Variants in KIRREL3 observed in about 807,000 individuals in gnomAD.
KIRREL3 encodes kirre like nephrin family adhesion molecule 3.
KIRREL3 carries 36 observed loss-of-function variants against 89.7 expected under a neutral mutation model. That is an observed-to-expected ratio of 0.40 (90% CI 0.31 to 0.53). The LOEUF (loss-of-function observed/expected upper bound fraction) is 0.53. Among genes scored for constraint, KIRREL3 ranks in the 20% least tolerant of loss-of-function variants. The probability of loss-of-function intolerance (pLI) is 0.49; values close to 1 mark genes in which losing one functional copy is unlikely to be tolerated. For missense variants in KIRREL3, 864 were observed against 1,056.6 expected (o/e 0.82, Z 2.53); for synonymous variants, 445 against 441.4 (o/e 1.01, Z -0.10).
rs1018039083 is a variant in KIRREL3 at position 126,890,786 on chromosome 11, G to T, written c.55+109669C>A. On this transcript the variant is annotated intron_variant, in intron 1 of 16. Coordinates refer to ENST00000525144, the MANE Select transcript of KIRREL3 (RefSeq NM_032531.4). This position sits in a 1 kb window ranked among gnomAD's most constrained non-coding sequence, Gnocchi z 5.1. Reference sequence around the variant, plus strand: ...CGTCCCCCAGTCCCAGCACCACAGCGGCCTGCCTGTGCCCAGCGCTGCCCC... The same window carrying T: ...CGTCCCCCAGTCCCAGCACCACAGCTGCCTGCCTGTGCCCAGCGCTGCCCC... Among the ~76,000 whole-genome samples, 2 of 152,182 alleles carry T rather than the reference G, an allele frequency of 1.3e-5. No individual in the cohort carries two copies. Among genetic ancestry groups the T allele is most frequent in the African/African-American group, 2.4e-5 (1 of 41,440 alleles).
intron 1 of KIRREL3, among the ~76,000 whole-genome samples, chr11:126,871,500 A>G (rs927546514): frequency 2.0e-5 from 3 of 152,126 alleles, no homozygotes; most frequent in African/African-American, 7.2e-5. Flanking sequence ...AGGAAGAAAA[A>G]CTTTTATCCA....
intron 1 of KIRREL3, among the ~76,000 whole-genome samples, chr11:126,861,719 GT>G (rs924036159): frequency 1.3e-5 from 2 of 152,182 alleles, no homozygotes. Flanking sequence ...GTATATTCAC[GT>G]TTTATCTGGC....
At position 126,954,438 on chromosome 11, in the gene KIRREL3, A is replaced by G. The variant is rs2135158070; in HGVS notation, c.55+46017T>C. 6.6e-6 allele frequency among the ~76,000 whole-genome samples: 1 copy of G among 152,270 alleles called. No individual in the cohort carries two copies. Among genetic ancestry groups the G allele is most frequent in the South Asian group, 2.1e-4 (1 of 4,814 alleles). ...ATAACATGAAGGATCTGTAAATTAC[A>G]AATCATCTGGGCCCTCAGAAATGCT... is the stretch of plus-strand genomic sequence containing the variant. On this transcript the variant is annotated intron_variant, in intron 1 of 16. Coordinates refer to ENST00000525144, the MANE Select transcript of KIRREL3 (RefSeq NM_032531.4). This position sits in a 1 kb window ranked among gnomAD's most constrained non-coding sequence, Gnocchi z 4.1.
rs763206444 is a variant in KIRREL3 at position 126,594,472 on chromosome 11, A to C, written c.56-31560T>G. Among the ~76,000 whole-genome samples, 1 of 152,136 alleles carries C rather than the reference A, an allele frequency of 6.6e-6. No individual in the cohort carries two copies. The highest frequency in any genetic ancestry group is 2.4e-5 in the African/African-American group (1 of 41,424). On this transcript the variant is annotated intron_variant, in intron 1 of 16. Coordinates refer to ENST00000525144, the MANE Select transcript of KIRREL3 (RefSeq NM_032531.4). This position sits in a 1 kb window ranked among gnomAD's most constrained non-coding sequence, Gnocchi z 5.0. ...AGTTTGGAATCGCTGGAAACTGTCA[A>C]ATCTCAGCTCCTTCCACTTTTTTCG... is the stretch of plus-strand genomic sequence containing the variant.
At position 126,773,745 on chromosome 11, in the gene KIRREL3, A is replaced by ATATATATTT. The variant is rs1950088874; in HGVS notation, c.56-210834_56-210833insAAATATATA. ...TTGGAGGCTGGGGCCCACATATATT[A>ATATATATTT]TTTATCTCTATTATTGCAGCCCCAA... On this transcript the variant is annotated intron_variant, in intron 1 of 16. Coordinates refer to ENST00000525144, the MANE Select transcript of KIRREL3 (RefSeq NM_032531.4). The surrounding 1 kb of genome is among the most constrained non-coding windows in gnomAD (Gnocchi z 4.2). 6.6e-6 allele frequency among the ~76,000 whole-genome samples: 1 copy of ATATATATTT among 152,134 alleles called. No individual in the cohort carries two copies. Among genetic ancestry groups the ATATATATTT allele is most frequent in the Non-Finnish European group, 1.5e-5 (1 of 68,016 alleles).
chr11:126,646,440 A>G (rs376576610), intron 1 of KIRREL3, among the ~76,000 whole-genome samples: 1 of 142,352 alleles, frequency 7.0e-6, no homozygotes. Context: ...AAATCCATTT[A>G]TTTTTCTGCA....
rs1377201669 is a variant in KIRREL3, at chr11:126,788,257, T to C, written c.55+212198A>G. ...TCCTATGGACGTTGCCTCCCAGGGC[T>C]GCTCTCCAAGCCCCAATTCTTTTGC... is the stretch of plus-strand genomic sequence containing the variant. On this transcript the variant is annotated intron_variant, in intron 1 of 16. Coordinates refer to ENST00000525144, the MANE Select transcript of KIRREL3 (RefSeq NM_032531.4). The surrounding 1 kb of genome is among the most constrained non-coding windows in gnomAD (Gnocchi z 4.1). Among the ~76,000 whole-genome samples, 7 of 152,252 alleles carry C rather than the reference T, an allele frequency of 4.6e-5. No homozygotes were observed. The highest frequency in any genetic ancestry group is 1.7e-4 in the African/African-American group (7 of 41,466).
intron 1 of KIRREL3, among the ~76,000 whole-genome samples, chr11:126,930,722 C>T (rs1401813570): frequency 1.3e-5 from 2 of 152,134 alleles, no homozygotes; most frequent in Non-Finnish European, 2.9e-5. Context: ...TCTATCTGCT[C>T]CCCCAACCCC....
At chr11:126,583,674 A>C (rs1283935031) in intron 1 of KIRREL3, among the ~76,000 whole-genome samples, 1 of 152,178 alleles carries the variant, frequency 6.6e-6, no homozygotes, top group East Asian at 1.9e-4. Context: ...GTAAAATGCA[A>C]AGAATGATCC....
intron 1 of KIRREL3, among the ~76,000 whole-genome samples, chr11:126,700,724 A>G (rs562640787): frequency 6.6e-6 from 1 of 152,216 alleles, no homozygotes; most frequent in African/African-American, 2.4e-5. Flanking sequence ...TCATCCCGCT[A>G]TTCAGCAGGT....
At chr11:126,737,042 G>A (rs1211013677) in intron 1 of KIRREL3, among the ~76,000 whole-genome samples, 2 of 152,228 alleles carry the variant, frequency 1.3e-5, no homozygotes, top group East Asian at 3.8e-4. Flanking sequence ...TTCTCAAATA[G>A]TAAGTTTCCC....
intron 1 of KIRREL3, among the ~76,000 whole-genome samples, chr11:126,821,047 T>C (rs1295903027): frequency 6.6e-6 from 1 of 152,138 alleles, no homozygotes; most frequent in Non-Finnish European, 1.5e-5. Flanking sequence ...CTCTTGGGAC[T>C]GCAAAAGGTT....
At chr11:126,855,895 A>T (rs1247661462) in intron 1 of KIRREL3, among the ~76,000 whole-genome samples, 2 of 152,164 alleles carry the variant, frequency 1.3e-5, no homozygotes, top group Admixed American at 1.3e-4. Flanking sequence ...GGCAGGCAGG[A>T]GGGGACAGGG....
At chr11:126,767,362 G>A (rs1949856895) in intron 1 of KIRREL3, among the ~76,000 whole-genome samples, 1 of 152,190 alleles carries the variant, frequency 6.6e-6, no homozygotes, top group Non-Finnish European at 1.5e-5. Context: ...ACCTGAGGGA[G>A]ACCCCCACCC....
chr11:126,445,046 C>T lies in KIRREL3; in HGVS notation c.1185G>A (p.Lys395=), dbSNP rs751210192. Residue 395 remains lysine, a synonymous_variant, in exon 10 of 17, where the codon AAG becomes AAA. Coordinates refer to ENST00000525144, the MANE Select transcript of KIRREL3 (RefSeq NM_032531.4). ...LKSVRQEDAG[K]YVCRAVVPRV... ...GGGGCACCACAGCCCGGCACACGTACTTGCCCGCGTCCTCCTGGCGCACGG... is the reference window on the plus strand; with the variant it reads ...GGGGCACCACAGCCCGGCACACGTATTTGCCCGCGTCCTCCTGGCGCACGG... The T allele has an allele frequency of 1.9e-6, 3 of 1,614,024 alleles. No individual in the cohort carries two copies. The highest frequency in any genetic ancestry group is 2.2e-5 in the East Asian group (1 of 44,880).
rs1018451036 is a variant in KIRREL3, at chr11:126,496,727, T to C, written c.434-23261A>G. Among the ~76,000 whole-genome samples, 1 of 151,840 alleles carries C rather than the reference T, an allele frequency of 6.6e-6. No homozygotes were observed. The highest frequency in any genetic ancestry group is 1.5e-5 in the Non-Finnish European group (1 of 67,990). On this transcript the variant is annotated intron_variant, in intron 4 of 16. Coordinates refer to ENST00000525144, the MANE Select transcript of KIRREL3 (RefSeq NM_032531.4). The surrounding 1 kb of genome is among the most constrained non-coding windows in gnomAD (Gnocchi z 4.9). ...ACCCAAACAGAAGCGCTCAGAAATGTTGGAGGGCCTGCGTGCGAACTCAAG... is the reference window on the plus strand; with the variant it reads ...ACCCAAACAGAAGCGCTCAGAAATGCTGGAGGGCCTGCGTGCGAACTCAAG...
chr11:126,679,516 T>A (rs567152061), intron 1 of KIRREL3, among the ~76,000 whole-genome samples: 62 of 152,310 alleles, frequency 4.1e-4, no homozygotes, highest in Non-Finnish European at 6.6e-4. Flanking sequence ...GTGTATAAGG[T>A]CACACACCTA....
Position 126,843,416 on chromosome 11 carries a change from C to T in KIRREL3, c.55+157039G>A, listed in dbSNP as rs753911826. Reference sequence around the variant, plus strand: ...TGGGAGGTTGGAGTGGGTGAGCTCACTCACTCTGCCGTATATCCTACTGGG... The same window carrying T: ...TGGGAGGTTGGAGTGGGTGAGCTCATTCACTCTGCCGTATATCCTACTGGG... On this transcript the variant is annotated intron_variant, in intron 1 of 16. Transcript: ENST00000525144. The surrounding 1 kb of genome is among the most constrained non-coding windows in gnomAD (Gnocchi z 4.6). Among the ~76,000 whole-genome samples, 9 of 152,088 alleles carry T rather than the reference C, an allele frequency of 5.9e-5. No individual in the cohort carries two copies. The highest frequency in any genetic ancestry group is 1.0e-4 in the Non-Finnish European group (7 of 68,008).
At position 126,486,311 on chromosome 11, in the gene KIRREL3, G is replaced by T. The variant is rs1957357930; in HGVS notation, c.434-12845C>A. Among the ~76,000 whole-genome samples the T allele has an allele frequency of 6.6e-6, 1 of 152,138 alleles. No homozygotes were observed. Among genetic ancestry groups the T allele is most frequent in the African/African-American group, 2.4e-5 (1 of 41,422 alleles). On this transcript the variant is annotated intron_variant, in intron 4 of 16. Transcript: ENST00000525144. The surrounding 1 kb of genome is among the most constrained non-coding windows in gnomAD (Gnocchi z 6.2). ...GTGGGGTGGGGGAGTGCATCAAACT[G>T]GAGAGAGGAAGGGGTGAGTAGGGCT...
Sources: allele counts gnomAD v4.1 joint callset (sites outside exome capture counted in the v4.1 genomes callset), GRCh38; gene constraint gnomAD v4.1.1; non-coding constraint Gnocchi (gnomAD v3.1); transcripts MANE v1.5; gene names NCBI Gene and HGNC (gene_info 2026-07-23, HGNC 2026-07-21).